The following ZFHX3 variants were observed in gnomAD, a reference collection of about 807,000 sequenced individuals.
ZFHX3 encodes the protein zinc finger homeobox 3.
In ZFHX3, 42 loss-of-function variants were observed where a neutral mutation model predicts 279.1. The observed-to-expected ratio is 0.15, with a 90% confidence interval of 0.12 to 0.19. The LOEUF (loss-of-function observed/expected upper bound fraction) is 0.19. Among genes scored for constraint, ZFHX3 ranks in the 10% least tolerant of loss-of-function variants. The probability of loss-of-function intolerance (pLI) is 1.00; values close to 1 mark genes in which losing one functional copy is unlikely to be tolerated. For synonymous variants in ZFHX3, 2,293 were observed against 1,957.8 expected (o/e 1.17, Z -4.52); for missense variants, 4,981 against 4,754.0 (o/e 1.05, Z -1.40).
chr16:73,595,256 C>T (rs2052036790), intron 2 of ZFHX3, among the ~76,000 whole-genome samples: 1 of 152,166 alleles, frequency 6.6e-6, no homozygotes, highest in Admixed American at 6.5e-5. Context: ...ATTTCTGCCT[C>T]CACTCTCTTC....
chr16:72,924,532 G>A (rs1168242780), intron 3 of ZFHX3, among the ~76,000 whole-genome samples: 1 of 152,186 alleles, frequency 6.6e-6, no homozygotes, highest in Non-Finnish European at 1.5e-5. Context: ...GGGATGAGAT[G>A]CTGCTTCCAT....
At chr16:72,887,654 C>T (rs2038662485) in intron 4 of ZFHX3, among the ~76,000 whole-genome samples, 1 of 117,932 alleles carries the variant, frequency 8.5e-6, no homozygotes, top group Non-Finnish European at 1.7e-5. Flanking sequence ...TGTGGGGGTA[C>T]AGTGTCTATG....
At chr16:73,256,112 C>T (rs533709648) in intron 5 of ZFHX3, among the ~76,000 whole-genome samples, 7 of 152,286 alleles carry the variant, frequency 4.6e-5, no homozygotes, top group South Asian at 4.1e-4. Flanking sequence ...GACAAGATCA[C>T]GCTCGAACAT....
intron 1 of ZFHX3, among the ~76,000 whole-genome samples, chr16:73,713,668 C>T (rs960187146): frequency 2.7e-5 from 4 of 150,850 alleles, no homozygotes; most frequent in Admixed American, 6.6e-5. Context: ...TTGCTTTTTA[C>T]ATCTATTTCT....
Position 73,265,926 on chromosome 16 carries a change from G to A in ZFHX3, c.-1193-8790C>T, listed in dbSNP as rs114425024. Among the ~76,000 whole-genome samples the A allele has an allele frequency of 6.5e-3, 992 of 152,312 alleles. 9 individuals are homozygous for A. The highest frequency in any genetic ancestry group is 0.026 in the South Asian group (127 of 4,828). The stretch of plus-strand genomic sequence containing the variant: ...AGGAAAATGTAAACAGCTACCAGGC[G>A]TGGGTGCCATCTGATCGATTTCATC... On this transcript the variant is annotated intron_variant, in intron 4 of 17. Coordinates refer to the ZFHX3 transcript ENST00000641206.
chr16:72,792,576 C>T (rs1005880461), intron 9 of ZFHX3, among the ~76,000 whole-genome samples: 5 of 152,118 alleles, frequency 3.3e-5, no homozygotes, highest in African/African-American at 4.8e-5. Flanking sequence ...CTCAGCCTCC[C>T]GAATAGCTGG....
chr16:72,887,523 C>A (rs991053558), intron 4 of ZFHX3, among the ~76,000 whole-genome samples: 1 of 151,530 alleles, frequency 6.6e-6, no homozygotes, highest in Non-Finnish European at 1.5e-5. Context: ...GTGGAGGGAG[C>A]TGGGGAGTGG....
At chr16:73,890,127 G>A (rs1319584950) in intron 1 of ZFHX3, among the ~76,000 whole-genome samples, 3 of 151,730 alleles carry the variant, frequency 2.0e-5, no homozygotes, top group African/African-American at 7.3e-5. Context: ...AAACTTACTG[G>A]CAGGCAGAGC....
intron 3 of ZFHX3, among the ~76,000 whole-genome samples, chr16:73,452,195 T>C (rs1463474583): frequency 6.6e-6 from 1 of 152,218 alleles, no homozygotes; most frequent in Non-Finnish European, 1.5e-5. Flanking sequence ...GTTTGTGCTG[T>C]AATTTACTTA....
In ZFHX3 at chr16:72,798,707, T is replaced by C. The variant is rs145065310; in HGVS notation, c.3975A>G (p.Ser1325=). ...GCAAGATGTTCTTTCCCAGATCCTC[T>C]GAGGTTTCTGTTAAAAAAAAAAAAA... is the stretch of plus-strand genomic sequence containing the variant. The part of the protein sequence containing the change: ...LEEAGKQPET[S]EDLGKNILPS... Residue 1325 remains serine (S), a synonymous_variant, in exon 9 of 10, where the codon TCA becomes TCG. Transcript: ENST00000268489. 1 of 1,531,514 alleles carries C rather than the reference T, an allele frequency of 6.5e-7. No homozygotes were observed. Among genetic ancestry groups the C allele is most frequent in the Non-Finnish European group, 8.7e-7 (1 of 1,147,580 alleles). The allele number at this position is 1,531,514 out of a possible 1,614,324, so 94.9% of individuals were successfully genotyped here.
chr16:72,926,330 C>T lies in ZFHX3; in HGVS notation c.3216+24139G>A, dbSNP rs1011065557. 3.3e-5 allele frequency among the ~76,000 whole-genome samples: 5 copies of T among 152,266 alleles called. No homozygotes were observed. In the East Asian group the frequency reaches 9.6e-4, roughly 29 times the overall value. On this transcript the variant is annotated intron_variant, in intron 3 of 9. Coordinates refer to ENST00000268489, the MANE Select transcript of ZFHX3 (RefSeq NM_006885.4). The stretch of plus-strand genomic sequence containing the variant: ...TCTCACACTCTCACTCTATCCTGCC[C>T]GCCCACTCGCTCCCCTTCCCAAGTA...
At chr16:72,955,693 G>T (rs1252638499) in intron 2 of ZFHX3, among the ~76,000 whole-genome samples, 1 of 144,462 alleles carries the variant, frequency 6.9e-6, no homozygotes, top group Non-Finnish European at 1.5e-5. Flanking sequence ...CAGGAGAATC[G>T]CTTGAACACA....
chr16:73,181,324 C>T (rs11639693), intron 5 of ZFHX3, among the ~76,000 whole-genome samples: 26,149 of 151,834 alleles, frequency 0.17, 2,437 homozygotes, highest in African/African-American at 0.23. Flanking sequence ...TCTCCTGACC[C>T]ACTGATCTGC....
chr16:73,866,954 T>G lies in ZFHX3; in HGVS notation c.-1608+24697A>C, dbSNP rs138104156. 8.1e-4 allele frequency among the ~76,000 whole-genome samples: 123 copies of G among 152,280 alleles called. 1 individual carries two copies. Among genetic ancestry groups the G allele is most frequent in the African/African-American group, 2.9e-3 (120 of 41,560 alleles). On this transcript the variant is annotated intron_variant, in intron 1 of 17. Transcript: ENST00000641206. ...TATCCGCCAACTCCCTTCATGTCCCTTCTTGCTTTGGGATTGCCCCTGAGG... is the reference window on the plus strand; with the variant it reads ...TATCCGCCAACTCCCTTCATGTCCCGTCTTGCTTTGGGATTGCCCCTGAGG...
intron 3 of ZFHX3, among the ~76,000 whole-genome samples, chr16:73,335,318 TAAAC>T (rs1050539343): frequency 2.0e-5 from 3 of 152,318 alleles, no homozygotes; most frequent in African/African-American, 7.2e-5. Flanking sequence ...AATTCTGAAT[TAAAC>T]AAACACTGGA....
Position 73,708,329 on chromosome 16 carries a change from G to A in ZFHX3, c.-1607-28089C>T, listed in dbSNP as rs547679007. On this transcript the variant is annotated intron_variant, in intron 1 of 17. Transcript: ENST00000641206. ...ACTAAATCACTCACTTCTCAATTAA[G>A]AATACACCGCTGATGTAAAACAAAA... Among the ~76,000 whole-genome samples the A allele has an allele frequency of 2.0e-5, 3 of 152,194 alleles. No individual in the cohort carries two copies. In the East Asian group the frequency reaches 5.8e-4, roughly 29 times the overall value.
At chr16:73,841,873 CTG>C in intron 1 of ZFHX3, among the ~76,000 whole-genome samples, 1 of 152,236 alleles carries the variant, frequency 6.6e-6, no homozygotes. Context: ...AGCGCATAGT[CTG>C]TACATGTGCA....
At chr16:73,081,726 ACT>A (rs1965947712) in intron 8 of ZFHX3, 2 of 151,646 alleles carry the variant, frequency 1.3e-5, no homozygotes, top group Admixed American at 1.3e-4. Flanking sequence ...CAGGCAATGG[ACT>A]CTAGTGTGCA....
At chr16:73,518,909 G>C (rs531651305) in intron 2 of ZFHX3, among the ~76,000 whole-genome samples, 4 of 152,184 alleles carry the variant, frequency 2.6e-5, no homozygotes, top group African/African-American at 9.7e-5. Context: ...AAAGCACCAA[G>C]AGAGATTCGT....
Sources: allele counts gnomAD v4.1 joint callset (sites outside exome capture counted in the v4.1 genomes callset), GRCh38; gene constraint gnomAD v4.1.1; transcripts MANE v1.5; gene names NCBI Gene and HGNC (gene_info 2026-07-23, HGNC 2026-07-21).